SEMA3A: variants seen among roughly 807,000 people sequenced by gnomAD.
SEMA3A encodes the protein semaphorin-3A.
SEMA3A carries 29 observed loss-of-function variants against 97.9 expected under a neutral mutation model. The observed-to-expected ratio is 0.30, with a 90% CI of 0.22 to 0.40. The LOEUF (loss-of-function observed/expected upper bound fraction) is 0.40, where lower values mean the gene tolerates loss of function less well. SEMA3A is among the 10% of genes least tolerant of loss of function. The probability of loss-of-function intolerance (pLI) is 1.00; values close to 1 mark genes in which losing one functional copy is unlikely to be tolerated. For missense variants in SEMA3A, 763 were observed against 951.3 expected, an observed-to-expected ratio of 0.80 and a Z score of 2.60; for synonymous variants, 321 against 323.7, an observed-to-expected ratio of 0.99 and a Z score of 0.09.
rs773876581 is a variant in SEMA3A, at chr7:83,975,560, ATCAT to A, written c.1717+1568_1717+1571del. 4.6e-5 allele frequency among the ~76,000 whole-genome samples: 7 copies of A among 152,294 alleles called. No homozygotes were observed. In the East Asian group the frequency reaches 1.2e-3, roughly 25 times the overall value. ...CTAGATTATAACTTGAAATTTTTAG[ATCAT>A]TCAGTCATTCAACAAATATTTGTTA... On this transcript the variant is annotated intron_variant, in intron 15 of 16. Transcript: ENST00000265362.
intron 2 of SEMA3A, among the ~76,000 whole-genome samples, chr7:84,365,654 TATTA>T (rs1802831185): frequency 6.6e-6 from 1 of 151,550 alleles, no homozygotes; most frequent in Non-Finnish European, 1.5e-5. Flanking sequence ...TCTAGTTATT[TATTA>T]TTCATCATAT....
chr7:84,145,947 C>T (rs1433158502), intron 1 of SEMA3A, among the ~76,000 whole-genome samples: 1 of 152,096 alleles, frequency 6.6e-6, no homozygotes, highest in Admixed American at 6.6e-5. Context: ...CATTTTATGC[C>T]TGTTTCTGTA....
intron 1 of SEMA3A, among the ~76,000 whole-genome samples, chr7:84,401,702 A>T (rs1169552011): frequency 2.6e-5 from 4 of 152,096 alleles, no homozygotes; most frequent in African/African-American, 9.7e-5. Flanking sequence ...AGAAATAACT[A>T]CACACATTTA....
chr7:84,249,094 A>G (rs1167078594), intron 3 of SEMA3A, among the ~76,000 whole-genome samples: 1 of 151,874 alleles, frequency 6.6e-6, no homozygotes, highest in South Asian at 2.1e-4. Flanking sequence ...GCTTCTCTGA[A>G]CTCTGCTGGA....
At chr7:84,039,490 C>T (rs371045953) in intron 6 of SEMA3A, among the ~76,000 whole-genome samples, 13 of 152,034 alleles carry the variant, frequency 8.6e-5, no homozygotes, top group African/African-American at 3.1e-4. Flanking sequence ...ATCCCATGGG[C>T]AAATGGTAAG....
chr7:84,372,399 C>T (rs1380053611), intron 1 of SEMA3A: 4 of 152,048 alleles, frequency 2.6e-5, no homozygotes, highest in Admixed American at 1.3e-4. Context: ...TCCTCAAATG[C>T]TCTTAAACTT....
chr7:84,224,243 A>G (rs1279429533), intron 3 of SEMA3A, among the ~76,000 whole-genome samples: 3 of 151,980 alleles, frequency 2.0e-5, no homozygotes, highest in African/African-American at 7.2e-5. Context: ...ACACTCATAA[A>G]TCAATTATTG....
intron 4 of SEMA3A, among the ~76,000 whole-genome samples, chr7:84,089,602 C>T (rs1794499559): frequency 1.3e-5 from 2 of 152,112 alleles, no homozygotes; most frequent in South Asian, 4.1e-4. Flanking sequence ...ATTGTCTAAA[C>T]ATCTAATAAA....
chr7:84,198,277 C>T (rs1295016707), upstream of SEMA3A, among the ~76,000 whole-genome samples: 4 of 151,962 alleles, frequency 2.6e-5, no homozygotes, highest in East Asian at 5.8e-4. Flanking sequence ...CTCACCGCAA[C>T]CTCCACCTCC....
intron 2 of SEMA3A, among the ~76,000 whole-genome samples, chr7:84,345,815 A>G (rs1229488830): frequency 6.6e-6 from 1 of 152,176 alleles, no homozygotes; most frequent in Non-Finnish European, 1.5e-5. Context: ...GGTTGGCATC[A>G]ATTTCTTCCA....
chr7:84,135,045 T>A, intron 1 of SEMA3A, 94 bp from the exon 2 acceptor site: 1 of 908,412 alleles, frequency 1.1e-6, no homozygotes, highest in African/African-American at 1.7e-5. Context: ...TATTGACTGC[T>A]GTAGTTATCA....
chr7:84,257,367 C>G (rs1184890037), intron 3 of SEMA3A, among the ~76,000 whole-genome samples: 3 of 152,000 alleles, frequency 2.0e-5, no homozygotes, highest in Non-Finnish European at 4.4e-5. Context: ...ACCATGCTAC[C>G]TGTTTTAAAA....
At chr7:84,289,746 T>C (rs2115778912) in intron 3 of SEMA3A, among the ~76,000 whole-genome samples, 1 of 152,260 alleles carries the variant, frequency 6.6e-6, no homozygotes, top group Middle Eastern at 3.4e-3. Flanking sequence ...ACTGTTACCA[T>C]GTGATCTAGC....
At chr7:84,054,164 C>G (rs1440635769) in intron 5 of SEMA3A, among the ~76,000 whole-genome samples, 3 of 152,224 alleles carry the variant, frequency 2.0e-5, no homozygotes, top group Admixed American at 6.5e-5. Flanking sequence ...TTCATTTCAA[C>G]TTTGGTGAAT....
chr7:84,446,788 G>A (rs1393584839), intron 1 of SEMA3A, among the ~76,000 whole-genome samples: 1 of 152,182 alleles, frequency 6.6e-6, no homozygotes. Context: ...GGTGGCCCAT[G>A]TGGAGCAGCT....
chr7:84,364,944 A>G lies in SEMA3A; in HGVS notation c.-169+6880T>C, dbSNP rs565832739. On this transcript the variant is annotated intron_variant, in intron 2 of 3. Coordinates refer to the SEMA3A transcript ENST00000424555. ...ACACAGAATGCATCTGACCAAATAA[A>G]GGTACAATTCTTGATCAAAGCTGCA... Among the ~76,000 whole-genome samples the G allele has an allele frequency of 9.2e-5, 14 of 151,786 alleles. No homozygotes were observed. The Middle Eastern group carries it at 0.01, about 111-fold the overall frequency.
chr7:84,291,228 T>A (rs544426652), intron 3 of SEMA3A, among the ~76,000 whole-genome samples: 1 of 152,202 alleles, frequency 6.6e-6, no homozygotes, highest in African/African-American at 2.4e-5. Flanking sequence ...ACATAAATAA[T>A]TTTTTAGGTA....
intron 1 of SEMA3A, among the ~76,000 whole-genome samples, chr7:84,401,491 G>GAAAAAAAAAA (rs35848664): frequency 8.8e-6 from 1 of 114,272 alleles, no homozygotes. Context: ...CACAGAAATA[G>GAAAAAAAAAA]AAAAAAAAAA....
In SEMA3A at chr7:84,321,885, AAAAAAAAAAAAAAAG is replaced by A. The variant is rs564658599; in HGVS notation, c.-168-14608_-168-14594del. Among the ~76,000 whole-genome samples the A allele has an allele frequency of 6.5e-3, 890 of 136,770 alleles. 61 individuals are homozygous for A. The East Asian group carries it at 0.11, about 16-fold the overall frequency. 89.7% of individuals were successfully genotyped at this position (136,770 alleles called of 152,430 possible). On this transcript the variant is annotated intron_variant, in intron 2 of 3. Coordinates refer to the SEMA3A transcript ENST00000424555. The stretch of plus-strand genomic sequence containing the variant: ...AGCGAGACTACGGAAAAAAAAAAAA[AAAAAAAAAAAAAAAG>A]AAGAAGAAGAAGGAGGAAATACCTG...
Sources: allele counts gnomAD v4.1 joint callset (sites outside exome capture counted in the v4.1 genomes callset), GRCh38; gene constraint gnomAD v4.1.1; transcripts MANE v1.5; gene names NCBI Gene and HGNC (gene_info 2026-07-23, HGNC 2026-07-21).